Variants in PCNX2 observed in about 807,000 individuals in gnomAD.
PCNX2 encodes the protein pecanex-like protein 2.
A neutral mutation model predicts 223.8 loss-of-function variants in PCNX2; 168 were observed. That is an observed-to-expected ratio of 0.75 (90% confidence interval 0.66 to 0.85). PCNX2 has a LOEUF of 0.85. Ranked by LOEUF, PCNX2 falls within the 40% of genes least tolerant of loss-of-function variation. The probability of loss-of-function intolerance (pLI) is 0.00; values close to 1 mark genes in which losing one functional copy is unlikely to be tolerated. For synonymous variants in PCNX2, 1,006 were observed against 1,052.6 expected (o/e 0.96, Z 0.86); for missense variants, 2,507 against 2,675.5 (o/e 0.94, Z 1.39).
At chr1:233,081,817 T>C (rs1673372574) in intron 23 of PCNX2, among the ~76,000 whole-genome samples, 1 of 152,204 alleles carries the variant, frequency 6.6e-6, no homozygotes, top group Non-Finnish European at 1.5e-5. Context: ...CTGCAGCTGC[T>C]TTCCTTTCCA....
At position 233,179,146 on chromosome 1, in the gene PCNX2, T is replaced by A; in HGVS notation, c.3096A>T (p.Ala1032=). 1 of 1,613,840 alleles carries A rather than the reference T, an allele frequency of 6.2e-7. No individual in the cohort carries two copies. The highest frequency in any genetic ancestry group is 8.5e-7 in the Non-Finnish European group (1 of 1,179,820). Residue 1032 remains alanine (A), a synonymous_variant, in exon 16 of 34, where the codon GCA becomes GCT. Transcript: ENST00000258229. ...AGAGGCCACAGAAGGCCGAAAACAG[T>A]GCCGGGATGTGTTGCATGCTCCACG... ...KEPWSMQHIP[A]LFSAFCGLLV... is the part of the protein sequence containing the mutation.
intron 21 of PCNX2, 135 bp from the exon 22 acceptor site, chr1:233,095,998 T>TC (rs377717112): frequency 3.2e-5 from 20 of 632,338 alleles, no homozygotes; most frequent in African/African-American, 1.7e-4. Flanking sequence ...ACTGTGATCT[T>TC]CCTGCATCTC....
chr1:233,102,765 C>A (rs1006577559), intron 21 of PCNX2, among the ~76,000 whole-genome samples: 2 of 151,900 alleles, frequency 1.3e-5, no homozygotes, highest in African/African-American at 4.8e-5. Flanking sequence ...CGTTATTAAT[C>A]CCTTGTGAGT....
intron 19 of PCNX2, among the ~76,000 whole-genome samples, chr1:233,158,940 A>T (rs1165586437): frequency 1.3e-5 from 2 of 152,210 alleles, no homozygotes; most frequent in African/African-American, 4.8e-5. Flanking sequence ...TTCCTCTACA[A>T]GTGGACTAAA....
chr1:233,291,695 T>G (rs1661776361), intron 1 of PCNX2: 1 of 981,910 alleles, frequency 1.0e-6, no homozygotes, highest in African/African-American at 1.8e-5. Flanking sequence ...CAGGCCAGAA[T>G]CATGCCCATA....
intron 25 of PCNX2, among the ~76,000 whole-genome samples, chr1:233,039,180 C>T (rs1431793652): frequency 6.6e-6 from 1 of 152,158 alleles, no homozygotes; most frequent in African/African-American, 2.4e-5. Flanking sequence ...ACTTCAAGAA[C>T]CAAAAATACT....
chr1:233,018,264 C>T (rs182207778), intron 26 of PCNX2, among the ~76,000 whole-genome samples: 22 of 151,902 alleles, frequency 1.4e-4, no homozygotes, highest in African/African-American at 5.1e-4. Context: ...GCTCAAGCAT[C>T]CTCTTGCCTC....
chr1:233,231,663 C>T, intron 9 of PCNX2: 1 of 984,944 alleles, frequency 1.0e-6, no homozygotes, highest in East Asian at 1.1e-4. Context: ...GAAGAGTGAA[C>T]AGTAGACAGA....
intron 25 of PCNX2, among the ~76,000 whole-genome samples, chr1:233,046,801 A>G (rs1009696882): frequency 3.9e-5 from 6 of 152,140 alleles, no homozygotes; most frequent in African/African-American, 1.4e-4. Flanking sequence ...GGAGTCTGGT[A>G]TGTTGTTGTA....
intron 21 of PCNX2, among the ~76,000 whole-genome samples, chr1:233,128,109 T>C (rs1226654822): frequency 1.3e-5 from 2 of 152,204 alleles, no homozygotes; most frequent in Non-Finnish European, 2.9e-5. Flanking sequence ...GGTGCGATCA[T>C]TCATACAGCT....
chr1:233,258,608 G>A lies in PCNX2; in HGVS notation c.1254C>T (p.Ala418=), dbSNP rs752433039. 1.5e-5 allele frequency: 24 copies of A among 1,613,774 alleles called. No individual in the cohort carries two copies. The Admixed American group carries it at 1.5e-4, about 10-fold the overall frequency. ...AGATCTGCTCGGCATTTGGAGAACC[G>A]GCCGCCCCTGGGTTAGTGGGCTCAG... ...SDAEPTNPGA[A]GSPNAEQISI... The change falls in exon 5 of 34, where the codon GCC becomes GCT. Residue 418 remains alanine, a synonymous_variant. Coordinates refer to ENST00000258229, the MANE Select transcript of PCNX2 (RefSeq NM_014801.4).
intron 21 of PCNX2, among the ~76,000 whole-genome samples, chr1:233,118,835 T>C (rs192239808): frequency 1.3e-5 from 2 of 152,314 alleles, no homozygotes; most frequent in African/African-American, 4.8e-5. Context: ...AAGTATGTTT[T>C]TTTACAGATG....
intron 25 of PCNX2, among the ~76,000 whole-genome samples, chr1:233,042,047 G>A (rs773446591): frequency 2.8e-4 from 43 of 152,188 alleles, no homozygotes; most frequent in East Asian, 5.8e-4. Flanking sequence ...CTTGGGTCCC[G>A]TCCCCAAGAT....
At chr1:233,154,251 T>C (rs1342138457) in intron 19 of PCNX2, among the ~76,000 whole-genome samples, 1 of 152,106 alleles carries the variant, frequency 6.6e-6, no homozygotes, top group Non-Finnish European at 1.5e-5. Context: ...ACTAATTTTT[T>C]GTAATTTTTT....
rs570378052 is a variant in PCNX2, at chr1:232,991,457, G to A, written c.5792-4917C>T. ...GGGGAGGGGTGCTCATGGGATGCGC[G>A]TGGGTGTTCCGGGCTGAATCATGTT... On this transcript the variant is annotated intron_variant, in intron 32 of 33. Coordinates refer to ENST00000258229, the MANE Select transcript of PCNX2 (RefSeq NM_014801.4). The surrounding 1 kb of genome is among the most constrained non-coding windows in gnomAD (Gnocchi z 4.3). 5.3e-5 allele frequency among the ~76,000 whole-genome samples: 8 copies of A among 152,086 alleles called. No homozygotes were observed. Among genetic ancestry groups the A allele is most frequent in the African/African-American group, 1.7e-4 (7 of 41,398 alleles).
chr1:233,136,635 C>T (rs1196819371), intron 20 of PCNX2, among the ~76,000 whole-genome samples: 1 of 152,182 alleles, frequency 6.6e-6, no homozygotes, highest in Non-Finnish European at 1.5e-5. Flanking sequence ...CCCTGTGTTC[C>T]TGCAGCAAGG....
At chr1:233,248,193 A>T (rs542478022) in intron 8 of PCNX2, among the ~76,000 whole-genome samples, 3 of 152,244 alleles carry the variant, frequency 2.0e-5, no homozygotes, top group African/African-American at 7.2e-5. Flanking sequence ...CACCAGAAAC[A>T]GAGTCCTCGG....
intron 32 of PCNX2, among the ~76,000 whole-genome samples, chr1:232,988,029 C>T (rs1381018320): frequency 1.3e-5 from 2 of 152,214 alleles, no homozygotes; most frequent in African/African-American, 2.4e-5. Context: ...GGGGTGCATT[C>T]GGGCCGGCCT....
intron 23 of PCNX2, chr1:233,058,411 A>G (rs895242973): frequency 2.6e-5 from 4 of 152,192 alleles, no homozygotes; most frequent in African/African-American, 9.6e-5. Flanking sequence ...GGCGGTCTTT[A>G]AAGAATGAAA....
Sources: allele counts gnomAD v4.1 joint callset (sites outside exome capture counted in the v4.1 genomes callset), GRCh38; gene constraint gnomAD v4.1.1; non-coding constraint Gnocchi (gnomAD v3.1); transcripts MANE v1.5; gene names NCBI Gene and HGNC (gene_info 2026-07-23, HGNC 2026-07-21).